The following CSMD1 variants were observed in gnomAD, a reference collection of about 807,000 sequenced individuals.
CSMD1 encodes CUB and Sushi multiple domains 1.
A neutral mutation model predicts 417.5 loss-of-function variants in CSMD1; 213 were observed. The observed-to-expected ratio is 0.51, with a 90% CI of 0.46 to 0.57. CSMD1 has a LOEUF of 0.57. Ranked by LOEUF, CSMD1 falls within the 20% of genes least tolerant of loss-of-function variation. The pLI, the probability that CSMD1 is intolerant of heterozygous loss-of-function variation, is 0.00. For synonymous variants in CSMD1, 2,862 were observed against 1,736.8 expected (o/e 1.65, Z -16.11); for missense variants, 6,923 against 4,529.7 (o/e 1.53, Z -15.17).
chr8:3,107,844 C>T (rs371129922), intron 44 of CSMD1, 46 bp from the exon 45 acceptor site: 2 of 1,198,602 alleles, frequency 1.7e-6, no homozygotes, highest in Non-Finnish European at 2.4e-6. Context: ...ATTACACTTG[C>T]TGAATAAACA....
intron 5 of CSMD1, among the ~76,000 whole-genome samples, chr8:3,905,004 A>G (rs2129136027): frequency 6.6e-6 from 1 of 152,246 alleles, no homozygotes; most frequent in South Asian, 2.1e-4. Context: ...TTACAAATAT[A>G]GAATACTCTT....
chr8:3,326,136 G>A (rs1806515364), intron 23 of CSMD1, among the ~76,000 whole-genome samples: 1 of 152,118 alleles, frequency 6.6e-6, no homozygotes, highest in Admixed American at 6.5e-5. Context: ...GCACAGAATG[G>A]TTTCAGTGGG....
chr8:4,089,173 A>T (rs749641677), intron 3 of CSMD1, among the ~76,000 whole-genome samples: 3 of 152,160 alleles, frequency 2.0e-5, no homozygotes, highest in Non-Finnish European at 2.9e-5. Flanking sequence ...CCCACTCTTT[A>T]TGGTGACAAT....
chr8:3,755,651 A>C (rs1313613282), intron 5 of CSMD1, among the ~76,000 whole-genome samples: 1 of 152,138 alleles, frequency 6.6e-6, no homozygotes, highest in African/African-American at 2.4e-5. Flanking sequence ...ATTACCTGGA[A>C]GAAGCAACAC....
chr8:3,409,854 C>A (rs556033370), intron 12 of CSMD1, among the ~76,000 whole-genome samples: 1 of 152,182 alleles, frequency 6.6e-6, no homozygotes, highest in African/African-American at 2.4e-5. Flanking sequence ...TACACAGATA[C>A]GCTGACAACA....
intron 1 of CSMD1, chr8:4,787,886 T>C (rs1446923229): frequency 8.9e-6 from 14 of 1,579,856 alleles, no homozygotes; most frequent in East Asian, 4.5e-5. Context: ...GATATGAAGA[T>C]TGAATTTGGT....
chr8:4,083,821 A>G (rs6991583), intron 3 of CSMD1, among the ~76,000 whole-genome samples: 3 of 152,224 alleles, frequency 2.0e-5, no homozygotes, highest in African/African-American at 7.2e-5. Flanking sequence ...CAATGGCAAC[A>G]AAAGCCAAAA....
intron 5 of CSMD1, among the ~76,000 whole-genome samples, chr8:3,775,941 T>C (rs1174977657): frequency 2.0e-5 from 3 of 152,234 alleles, no homozygotes; most frequent in East Asian, 1.9e-4. Context: ...ATGCCACCTA[T>C]ATGCTGATGA....
intron 31 of CSMD1, among the ~76,000 whole-genome samples, chr8:3,204,767 C>A (rs554273566): frequency 7.2e-5 from 11 of 152,298 alleles, no homozygotes; most frequent in African/African-American, 2.2e-4. Flanking sequence ...AAAACCTTGA[C>A]TATGTAGCGT....
intron 40 of CSMD1, among the ~76,000 whole-genome samples, chr8:3,146,046 T>C (rs1341075687): frequency 6.6e-6 from 1 of 152,204 alleles, no homozygotes; most frequent in Non-Finnish European, 1.5e-5. Context: ...TAATAAAATA[T>C]AGCAAAAGTG....
In CSMD1 at chr8:4,489,862, C is replaced by T. The variant is rs539676722; in HGVS notation, c.303-69797G>A. ...CCTTGTGAGGTCGTAAGCAGGGTGC[C>T]CAGCCATGCCTTGCCCAGACTACGA... is the stretch of plus-strand genomic sequence containing the variant. On this transcript the variant is annotated intron_variant, in intron 2 of 69. Transcript: ENST00000635120. Among the ~76,000 whole-genome samples, 346 of 152,202 alleles carry T rather than the reference C, an allele frequency of 2.3e-3. 2 individuals carry two copies. Among genetic ancestry groups the T allele is most frequent in the African/African-American group, 7.3e-3 (303 of 41,536 alleles).
At chr8:3,557,172 C>T (rs1457260225) in intron 10 of CSMD1, among the ~76,000 whole-genome samples, 1 of 152,190 alleles carries the variant, frequency 6.6e-6, no homozygotes, top group Non-Finnish European at 1.5e-5. Context: ...TCAGAAGACA[C>T]TTCTATGAAA....
chr8:4,008,600 C>CTTTTTTTTTTTTTTTTTTTTTTT (rs1161117794), intron 4 of CSMD1, among the ~76,000 whole-genome samples: 1 of 80,408 alleles, frequency 1.2e-5, no homozygotes, highest in Non-Finnish European at 2.2e-5. Context: ...TTCTTTTTTT[C>CTTTTTTTTTTTTTTTTTTTTTTT]TTTTTTTTTT....
chr8:3,901,386 T>G (rs1584936050), intron 5 of CSMD1, among the ~76,000 whole-genome samples: 1 of 152,348 alleles, frequency 6.6e-6, no homozygotes, highest in Admixed American at 6.5e-5. Flanking sequence ...GATGGGCATA[T>G]TTCAGTAAAC....
chr8:4,053,399 C>A (rs1037077470), intron 3 of CSMD1, among the ~76,000 whole-genome samples: 3 of 151,086 alleles, frequency 2.0e-5, no homozygotes, highest in East Asian at 3.9e-4. Context: ...CTGCCTCTAC[C>A]TTGGTGTGAA....
At position 4,764,898 on chromosome 8, in the gene CSMD1, C is replaced by CAAAAA. The variant is rs1812354220; in HGVS notation, c.86-127341_86-127340insTTTTT. Among the ~76,000 whole-genome samples the CAAAAA allele has an allele frequency of 1.3e-4, 2 of 15,596 alleles. 1 individual carries two copies. Among genetic ancestry groups the CAAAAA allele is most frequent in the African/African-American group, 4.6e-4 (2 of 4,320 alleles). 10.2% of individuals were successfully genotyped at this position (15,596 alleles called of 152,430 possible). On this transcript the variant is annotated intron_variant, in intron 1 of 69. Transcript: ENST00000635120. ...AAAAAAAAAAAAAAAAAAAAAACAA[C>CAAAAA]AACAACAAAAAAAAACCTTTGCTGA...
At chr8:4,407,913 A>C (rs1262233194) in intron 3 of CSMD1, among the ~76,000 whole-genome samples, 1 of 152,196 alleles carries the variant, frequency 6.6e-6, no homozygotes, top group Non-Finnish European at 1.5e-5. Context: ...TCCAAAGCTG[A>C]AACGTGTTCA....
intron 49 of CSMD1, among the ~76,000 whole-genome samples, chr8:3,083,646 ATATTTTTTTTTTT>A (rs1814301797): frequency 6.0e-5 from 1 of 16,746 alleles, no homozygotes; most frequent in African/African-American, 2.4e-4. Flanking sequence ...ATATATATAT[ATATTTTTTTTTTT>A]TTTTTTTTTT....
chr8:3,317,013 T>C (rs1424704162), intron 23 of CSMD1, among the ~76,000 whole-genome samples: 2 of 152,076 alleles, frequency 1.3e-5, no homozygotes, highest in Admixed American at 6.6e-5. Flanking sequence ...GGATGAAGCA[T>C]GCACAAATAC....
Sources: allele counts gnomAD v4.1 joint callset (sites outside exome capture counted in the v4.1 genomes callset), GRCh38; gene constraint gnomAD v4.1.1; transcripts MANE v1.5; gene names NCBI Gene and HGNC (gene_info 2026-07-23, HGNC 2026-07-21).